Variants in PCDH11X observed in about 807,000 individuals in gnomAD.
The protein encoded by PCDH11X is protocadherin-11 X-linked.
A neutral mutation model predicts 53.3 loss-of-function variants in PCDH11X; 18 were observed. The observed-to-expected ratio is 0.34, with a 90% CI of 0.23 to 0.50. PCDH11X has a LOEUF of 0.50. Among genes scored for constraint, PCDH11X ranks in the 20% least tolerant of loss-of-function variants. The pLI is 0.98. For missense variants in PCDH11X, 570 were observed against 1,032.4 expected, an observed-to-expected ratio of 0.55 and a Z score of 6.14; for synonymous variants, 279 against 393.3, an observed-to-expected ratio of 0.71 and a Z score of 3.44.
chrX:92,433,977 C>G (rs980223313), intron 9 of PCDH11X, among the ~76,000 whole-genome samples: 3 of 109,882 alleles, frequency 2.7e-5, no homozygotes, highest in African/African-American at 9.9e-5. Flanking sequence ...CTCACTTTGC[C>G]TAGAGTAAGC....
chrX:92,102,118 G>A (rs190740940), intron 6 of PCDH11X, among the ~76,000 whole-genome samples: 1 of 111,079 alleles, frequency 9.0e-6, no homozygotes, highest in Non-Finnish European at 1.9e-5. Context: ...GAATAATGTG[G>A]GAGGCCAGAT....
At chrX:92,514,717 C>A (rs139652259) in intron 10 of PCDH11X, among the ~76,000 whole-genome samples, 1 of 107,553 alleles carries the variant, frequency 9.3e-6, no homozygotes, top group Non-Finnish European at 1.9e-5. Flanking sequence ...GGTGACAGAG[C>A]GTGACTACAT....
intron 1 of PCDH11X, among the ~76,000 whole-genome samples, chrX:91,801,452 A>G (rs1935935999): frequency 1.8e-5 from 2 of 110,981 alleles, no homozygotes; most frequent in Admixed American, 1.9e-4. Context: ...GCACGGAAGT[A>G]GTAGATTGCC....
At chrX:92,257,224 A>C (rs1396776568) in intron 7 of PCDH11X, among the ~76,000 whole-genome samples, 2 of 111,206 alleles carry the variant, frequency 1.8e-5, no homozygotes, top group Admixed American at 9.6e-5. Context: ...AGTAGCACCA[A>C]GAGGATGGTG....
chrX:92,032,916 GT>G (rs1425912295), intron 6 of PCDH11X, among the ~76,000 whole-genome samples: 1 of 104,556 alleles, frequency 9.6e-6, no homozygotes, highest in Non-Finnish European at 1.9e-5. Flanking sequence ...CTGGGCTCAT[GT>G]GATTCTCCCA....
At chrX:92,178,589 A>T (rs1483615467) in intron 6 of PCDH11X, among the ~76,000 whole-genome samples, 3 of 111,905 alleles carry the variant, frequency 2.7e-5, no homozygotes, top group Non-Finnish European at 5.6e-5. Context: ...AATTAATGAG[A>T]TAATTATGAA....
At chrX:92,607,882 A>G (rs1602438140) in intron 10 of PCDH11X, among the ~76,000 whole-genome samples, 1 of 111,561 alleles carries the variant, frequency 9.0e-6, no homozygotes, top group East Asian at 2.8e-4. Context: ...TGAAATATAT[A>G]AAACTATATT....
At chrX:92,161,409 T>C (rs1488001129) in intron 6 of PCDH11X, among the ~76,000 whole-genome samples, 2 of 111,466 alleles carry the variant, frequency 1.8e-5, no homozygotes, top group Admixed American at 1.9e-4. Context: ...ACGTTTTCTT[T>C]TTTAGGTTAC....
intron 10 of PCDH11X, among the ~76,000 whole-genome samples, chrX:92,547,291 A>T: frequency 9.9e-6 from 1 of 101,381 alleles, no homozygotes; most frequent in Non-Finnish European, 2.0e-5. Flanking sequence ...AGAACATGAC[A>T]TAAAAGATAA....
At chrX:91,887,034 G>C (rs1246662978) in intron 6 of PCDH11X, among the ~76,000 whole-genome samples, 1 of 103,190 alleles carries the variant, frequency 9.7e-6, no homozygotes, top group African/African-American at 3.6e-5. Context: ...ATAATTTTTA[G>C]AAGTTGAGTT....
intron 6 of PCDH11X, among the ~76,000 whole-genome samples, chrX:92,001,322 A>G (rs1473465742): frequency 9.0e-6 from 1 of 111,317 alleles, no homozygotes; most frequent in Non-Finnish European, 1.9e-5. Flanking sequence ...CATTTCTCTG[A>G]TATCAGTGAT....
chrX:91,879,706 T>C, intron 6 of PCDH11X: 1 of 783,199 alleles, frequency 1.3e-6, no homozygotes, highest in Non-Finnish European at 1.5e-6. Context: ...TAGCTTCACT[T>C]GGGAAAATCT....
intron 6 of PCDH11X, among the ~76,000 whole-genome samples, chrX:92,007,317 C>G (rs947604828): frequency 9.0e-6 from 1 of 111,662 alleles, no homozygotes; most frequent in African/African-American, 3.3e-5. Flanking sequence ...GATATTCAAA[C>G]CACAAGACAC....
chrX:92,202,978 G>A (rs189622549), intron 7 of PCDH11X, among the ~76,000 whole-genome samples: 12 of 111,197 alleles, frequency 1.1e-4, no homozygotes, highest in Admixed American at 9.6e-4. Flanking sequence ...AGCTGAGATC[G>A]CACCACTGCA....
At chrX:92,153,112 CTTAG>C (rs1224275220) in intron 6 of PCDH11X, among the ~76,000 whole-genome samples, 1 of 109,791 alleles carries the variant, frequency 9.1e-6, no homozygotes, top group African/African-American at 3.3e-5. Context: ...GCTGATAAGA[CTTAG>C]TTAAATTGTT....
intron 6 of PCDH11X, among the ~76,000 whole-genome samples, chrX:92,133,768 A>G (rs191781819): frequency 8.9e-6 from 1 of 112,577 alleles, no homozygotes; most frequent in Non-Finnish European, 1.9e-5. Context: ...GGGAAACAAT[A>G]CACATGTATT....
intron 1 of PCDH11X, among the ~76,000 whole-genome samples, chrX:91,802,638 A>G (rs1194706888): frequency 8.9e-6 from 1 of 111,764 alleles, no homozygotes; most frequent in Admixed American, 9.6e-5. Context: ...ATTTGTATGG[A>G]GAATTGCATA....
At chrX:92,003,722 A>G (rs1251692516) in intron 6 of PCDH11X, among the ~76,000 whole-genome samples, 1 of 101,539 alleles carries the variant, frequency 9.8e-6, no homozygotes, top group Admixed American at 1.1e-4. Context: ...GAATTTCTGC[A>G]GTATCAATTA....
chrX:92,359,558 C>A (rs1388584594), intron 8 of PCDH11X, among the ~76,000 whole-genome samples: 2 of 111,068 alleles, frequency 1.8e-5, no homozygotes, highest in African/African-American at 6.5e-5. Context: ...GTGTTTTCAG[C>A]CGACCTAATA....
Sources: allele counts gnomAD v4.1 joint callset (sites outside exome capture counted in the v4.1 genomes callset), GRCh38; gene constraint gnomAD v4.1.1; transcripts MANE v1.5; gene names NCBI Gene and HGNC (gene_info 2026-07-23, HGNC 2026-07-21).